The following ARHGAP12 variants were observed in gnomAD, a reference collection of about 807,000 sequenced individuals.
ARHGAP12 encodes the protein rho GTPase-activating protein 12.
Under a neutral mutation model 108.6 loss-of-function variants are expected in ARHGAP12, and 64 were observed. The observed-to-expected ratio is 0.59, with a 90% CI of 0.48 to 0.73. ARHGAP12 has a LOEUF of 0.73. Ranked by LOEUF, ARHGAP12 falls within the 30% of genes least tolerant of loss-of-function variation. The pLI is 0.00. For synonymous variants in ARHGAP12, 312 were observed against 337.2 expected (o/e 0.93, Z 0.82); for missense variants, 940 against 1,005.9 (o/e 0.93, Z 0.89).
chr10:31,920,964 T>C (rs187464259), intron 1 of ARHGAP12, among the ~76,000 whole-genome samples: 1 of 152,288 alleles, frequency 6.6e-6, no homozygotes, highest in East Asian at 1.9e-4. Context: ...AACACACTTC[T>C]AAATGAGTCA....
intron 3 of ARHGAP12, among the ~76,000 whole-genome samples, chr10:31,889,343 A>T (rs1479306552): frequency 2.6e-5 from 4 of 152,234 alleles, no homozygotes; most frequent in Non-Finnish European, 5.9e-5. Flanking sequence ...AATTGCTTTG[A>T]TTAAATAATG....
chr10:31,858,935 G>A (rs999287753), intron 4 of ARHGAP12, among the ~76,000 whole-genome samples: 1 of 152,152 alleles, frequency 6.6e-6, no homozygotes, highest in African/African-American at 2.4e-5. Flanking sequence ...ACAAGCTTAC[G>A]GAACAGAATC....
chr10:31,917,161 G>C (rs1241831813), intron 1 of ARHGAP12, among the ~76,000 whole-genome samples: 1 of 149,794 alleles, frequency 6.7e-6, no homozygotes, highest in African/African-American at 2.5e-5. Flanking sequence ...GTTAATCCCA[G>C]CACTTTGGGG....
intron 3 of ARHGAP12, among the ~76,000 whole-genome samples, chr10:31,875,182 T>G (rs948912916): frequency 6.6e-6 from 1 of 151,846 alleles, no homozygotes; most frequent in African/African-American, 2.4e-5. Flanking sequence ...AAGAAAAAAA[T>G]GCTTACGGGA....
At chr10:31,852,310 G>C (rs1031209206) in intron 6 of ARHGAP12, among the ~76,000 whole-genome samples, 4 of 152,072 alleles carry the variant, frequency 2.6e-5, no homozygotes, top group Non-Finnish European at 4.4e-5. Flanking sequence ...AAGATATTCT[G>C]AATAGCAACA....
In ARHGAP12 at chr10:31,837,558, T is replaced by C. The variant is rs116144301; in HGVS notation, c.1386+1747A>G. ...GCTACGTTAGTCTGACAAAGCTTTC[T>C]GGAAGGGTCCATCTTGATGGAGGTA... is the stretch of plus-strand genomic sequence containing the variant. On this transcript the variant is annotated intron_variant, in intron 9 of 19. Coordinates refer to ENST00000344936, the MANE Select transcript of ARHGAP12 (RefSeq NM_018287.7). Among the ~76,000 whole-genome samples the C allele has an allele frequency of 5.9e-3, 901 of 152,306 alleles. 6 individuals are homozygous for C. The highest frequency in any genetic ancestry group is 0.02 in the African/African-American group (852 of 41,568).
At chr10:31,881,365 G>A (rs970425667) in intron 3 of ARHGAP12, among the ~76,000 whole-genome samples, 5 of 151,776 alleles carry the variant, frequency 3.3e-5, no homozygotes, top group African/African-American at 1.2e-4. Context: ...AGGCCAACAC[G>A]GAACACACAC....
intron 3 of ARHGAP12, among the ~76,000 whole-genome samples, chr10:31,864,789 G>C (rs1837259990): frequency 1.3e-5 from 2 of 152,178 alleles, no homozygotes; most frequent in Admixed American, 1.3e-4. Flanking sequence ...ATGTACTCAA[G>C]CTAGGTGATT....
intron 3 of ARHGAP12, 40 bp downstream of exon 3, chr10:31,908,132 A>C: frequency 6.7e-7 from 1 of 1,490,214 alleles, no homozygotes; most frequent in Non-Finnish European, 9.0e-7. Context: ...TATTTTCACT[A>C]GGGTGGTACA....
chr10:31,875,480 T>C (rs1024026877), intron 3 of ARHGAP12, among the ~76,000 whole-genome samples: 5 of 152,232 alleles, frequency 3.3e-5, no homozygotes, highest in African/African-American at 1.2e-4. Context: ...GTTCTCCAAA[T>C]TGCTAATAAA....
Position 31,826,365 on chromosome 10 carries a change from C to G in ARHGAP12, c.1469G>C (p.Trp490Ser). 3 of 1,611,462 alleles carry G rather than the reference C, an allele frequency of 1.9e-6. No homozygotes were observed. Among genetic ancestry groups the G allele is most frequent in the African/African-American group, 1.3e-5 (1 of 74,958 alleles). ...TAAAGATGAACCCTGCAACACCGCC[C>G]AAGAAGACAACCAGTTCTTTCTGTA... The part of the protein sequence containing the change: ...KKVRKNWLSS[W>S]AVLQGSSLLF... The change falls in exon 11 of 20, where the codon TGG becomes TCG. Residue 490 changes from tryptophan to serine, a missense_variant. Physicochemically the swap from Trp to Ser is radical, Grantham distance 177. Coordinates refer to ENST00000344936, the MANE Select transcript of ARHGAP12 (RefSeq NM_018287.7).
chr10:31,873,849 A>G lies in ARHGAP12; in HGVS notation c.685-12191T>C, dbSNP rs1837626610. On this transcript the variant is annotated intron_variant, in intron 3 of 19. Coordinates refer to ENST00000344936, the MANE Select transcript of ARHGAP12 (RefSeq NM_018287.7). Reference sequence around the variant, plus strand: ...CCAGATATGTTTGTCCTTGTTGGTCAGTAAAGCAAAGAAAATTCAATGGGA... The same window carrying G: ...CCAGATATGTTTGTCCTTGTTGGTCGGTAAAGCAAAGAAAATTCAATGGGA... Among the ~76,000 whole-genome samples, 4 of 152,382 alleles carry G rather than the reference A, an allele frequency of 2.6e-5. No individual in the cohort carries two copies. The South Asian group carries it at 8.3e-4, about 32-fold the overall frequency.
chr10:31,917,169 G>T (rs183766530), intron 1 of ARHGAP12, among the ~76,000 whole-genome samples: 5 of 151,802 alleles, frequency 3.3e-5, no homozygotes, highest in African/African-American at 7.3e-5. Context: ...CAGCACTTTG[G>T]GGGGCTGAGG....
intron 3 of ARHGAP12, among the ~76,000 whole-genome samples, chr10:31,907,216 A>T (rs1023198843): frequency 6.6e-6 from 1 of 152,218 alleles, no homozygotes; most frequent in African/African-American, 2.4e-5. Flanking sequence ...AAATTCACTT[A>T]AAGTTAGACT....
intron 4 of ARHGAP12, among the ~76,000 whole-genome samples, chr10:31,856,496 T>C (rs1217597185): frequency 6.6e-6 from 1 of 152,150 alleles, no homozygotes; most frequent in Non-Finnish European, 1.5e-5. Context: ...ACTAGGAACA[T>C]CATAGAAATT....
chr10:31,823,912 T>C (rs1028651044), intron 11 of ARHGAP12, among the ~76,000 whole-genome samples: 2 of 152,182 alleles, frequency 1.3e-5, no homozygotes, highest in Admixed American at 1.3e-4. Flanking sequence ...AAAGAGAATA[T>C]ATTTTACCTA....
intron 1 of ARHGAP12, among the ~76,000 whole-genome samples, chr10:31,921,147 A>G (rs1234437992): frequency 6.6e-6 from 1 of 152,040 alleles, no homozygotes; most frequent in Non-Finnish European, 1.5e-5. Context: ...CTAGCCGGGC[A>G]TGGTGATATG....
rs1478469091 is a variant in ARHGAP12 at position 31,819,251 on chromosome 10, C to T, written c.1632+1136G>A. ...GGAGAGATTGGCATGGGTTGGTGCT[C>T]GAGGCAGAACAATAAAGAGTAAAAA... On this transcript the variant is annotated intron_variant, in intron 12 of 19. Transcript: ENST00000344936. Among the ~76,000 whole-genome samples the T allele has an allele frequency of 5.3e-5, 8 of 152,084 alleles. 1 individual carries two copies. The South Asian group carries it at 6.2e-4, about 12-fold the overall frequency.
At chr10:31,887,483 G>A (rs1480216574) in intron 3 of ARHGAP12, among the ~76,000 whole-genome samples, 4 of 152,078 alleles carry the variant, frequency 2.6e-5, no homozygotes, top group Admixed American at 2.0e-4. Context: ...TACGAAATCG[G>A]TATTCCCTTC....
Sources: allele counts gnomAD v4.1 joint callset (sites outside exome capture counted in the v4.1 genomes callset), GRCh38; gene constraint gnomAD v4.1.1; transcripts MANE v1.5; gene names NCBI Gene and HGNC (gene_info 2026-07-23, HGNC 2026-07-21).